The following PPARA variants were observed in gnomAD, a reference collection of about 807,000 sequenced individuals.
PPARA encodes the protein peroxisome proliferator-activated receptor alpha.
PPARA carries 22 observed loss-of-function variants against 42.2 expected under a neutral mutation model. The observed-to-expected ratio is 0.52, with a 90% CI of 0.37 to 0.74. PPARA has a LOEUF of 0.74. Among genes scored for constraint, PPARA ranks in the 30% least tolerant of loss-of-function variants. The probability of loss-of-function intolerance (pLI) is 0.00; values close to 1 mark genes in which losing one functional copy is unlikely to be tolerated. For missense variants in PPARA, 465 were observed against 608.2 expected, an observed-to-expected ratio of 0.76 and a Z score of 2.48; for synonymous variants, 242 against 239.3, an observed-to-expected ratio of 1.01 and a Z score of -0.10.
intron 2 of PPARA, among the ~76,000 whole-genome samples, chr22:46,168,351 C>CAAAAAAAAAAAAAA (rs35345592): frequency 2.1e-4 from 3 of 14,382 alleles, no homozygotes; most frequent in South Asian, 2.7e-3. Flanking sequence ...GACTCCATCT[C>CAAAAAAAAAAAAAA]AAAAAAAAAA....
At chr22:46,209,071 T>C (rs942774178) in intron 4 of PPARA, among the ~76,000 whole-genome samples, 1 of 152,234 alleles carries the variant, frequency 6.6e-6, no homozygotes, top group Non-Finnish European at 1.5e-5. Context: ...TCTTTGGATA[T>C]AAACCCAGAA....
intron 4 of PPARA, among the ~76,000 whole-genome samples, chr22:46,205,925 T>C (rs962547418): frequency 2.0e-5 from 3 of 152,116 alleles, no homozygotes; most frequent in African/African-American, 7.2e-5. Context: ...TTTTGATTGG[T>C]GTTAACATGG....
chr22:46,228,203 C>A (rs958631590), intron 7 of PPARA, among the ~76,000 whole-genome samples: 1 of 152,232 alleles, frequency 6.6e-6, no homozygotes, highest in Non-Finnish European at 1.5e-5. Context: ...GGTGTTCATG[C>A]TCCGCTGTTG....
chr22:46,237,854 G>A lies in PPARA; in HGVS notation c.*2474G>A, dbSNP rs997614424. The A allele has an allele frequency of 5.3e-5, 8 of 152,350 alleles. No homozygotes were observed. Among genetic ancestry groups the A allele is most frequent in the African/African-American group, 1.7e-4 (7 of 41,452 alleles). 9.4% of individuals were successfully genotyped at this position (152,350 alleles called of 1,614,324 possible). A position where few individuals can be genotyped will look rare whatever the true frequency, so the allele number is the denominator to read the frequency against. On this transcript the variant is annotated 3_prime_UTR_variant, in exon 9 of 9. Transcript: ENST00000407236. This position sits in a 1 kb window ranked among gnomAD's most constrained non-coding sequence, Gnocchi z 6.7. ...CCTGTGTCAACAAGATCCAGGGGCTGGAGCCCAATGCCAAGCCTGTGTTGT... is the reference window on the plus strand; with the variant it reads ...CCTGTGTCAACAAGATCCAGGGGCTAGAGCCCAATGCCAAGCCTGTGTTGT...
At chr22:46,218,223 T>C (rs758977679) in intron 5 of PPARA, 40 bp from the exon 6 acceptor site, 1 of 1,613,172 alleles carries the variant, frequency 6.2e-7, no homozygotes, top group Non-Finnish European at 8.5e-7. Flanking sequence ...GGTTTCTCAG[T>C]GGCCCAGGTC....
At chr22:46,197,360 T>A (rs1366786184) in intron 3 of PPARA, among the ~76,000 whole-genome samples, 2 of 152,034 alleles carry the variant, frequency 1.3e-5, no homozygotes, top group African/African-American at 2.4e-5. Flanking sequence ...CAGGGATCTG[T>A]TTTTGTCTCC....
Position 46,238,790 on chromosome 22 carries a change from T to G in PPARA, c.*3410T>G, listed in dbSNP as rs1936288811. The G allele has an allele frequency of 6.6e-6, 1 of 152,654 alleles. No homozygotes were observed. The highest frequency in any genetic ancestry group is 1.5e-5 in the Non-Finnish European group (1 of 68,374). The allele number at this position is 152,654 out of a possible 1,614,324, so 9.5% of individuals were successfully genotyped here. A position where few individuals can be genotyped will look rare whatever the true frequency, so the allele number is the denominator to read the frequency against. On this transcript the variant is annotated 3_prime_UTR_variant, in exon 9 of 9. Transcript: ENST00000407236. This position sits in a 1 kb window ranked among gnomAD's most constrained non-coding sequence, Gnocchi z 8.3. ...ACTTCCAGCTGGGTGTCCCACATGT[T>G]GGATTCCGTCCCCACCACACTTCCA...
At chr22:46,168,120 A>G (rs1246692727) in intron 2 of PPARA, among the ~76,000 whole-genome samples, 1 of 151,888 alleles carries the variant, frequency 6.6e-6, no homozygotes, top group African/African-American at 2.4e-5. Flanking sequence ...TGGGAGGCTG[A>G]AGCAGGTGGA....
chr22:46,205,554 A>ATTTT lies in PPARA; in HGVS notation c.208+6990_208+6993dup, dbSNP rs1322589111. Among the ~76,000 whole-genome samples, 46 of 12,932 alleles carry ATTTT rather than the reference A, an allele frequency of 3.6e-3. 11 individuals carry two copies. Among genetic ancestry groups the ATTTT allele is most frequent in the South Asian group, 0.023 (3 of 130 alleles). The allele number at this position is 12,932 out of a possible 152,430, so 8.5% of individuals were successfully genotyped here. ...TATATATATATATATATATATATAT[A>ATTTT]TTTTTTTTTTTTTTTTTTTTTTTTT... On this transcript the variant is annotated intron_variant, in intron 4 of 8. Transcript: ENST00000407236.
At chr22:46,218,466 G>GGATC in intron 6 of PPARA, 65 bp downstream of exon 6, 1 of 1,600,094 alleles carries the variant, frequency 6.2e-7, no homozygotes, top group Admixed American at 1.7e-5. Flanking sequence ...TGCTCCAAGG[G>GGATC]AACAGATCAA....
chr22:46,239,641 A>ACCCCCCTCCCCCCCCCCCCCCCCCCCC lies in PPARA; in HGVS notation c.*4272_*4273insCCCCCCCCCCCCCCCCCCCCCCTCCCC, dbSNP rs1936318385. 1 of 133,760 alleles carries ACCCCCCTCCCCCCCCCCCCCCCCCCCC rather than the reference A, an allele frequency of 7.5e-6. No homozygotes were observed. Among genetic ancestry groups the ACCCCCCTCCCCCCCCCCCCCCCCCCCC allele is most frequent in the African/African-American group, 2.8e-5 (1 of 35,604 alleles). 8.3% of individuals were successfully genotyped at this position (133,760 alleles called of 1,614,324 possible). On this transcript the variant is annotated 3_prime_UTR_variant, in exon 9 of 9. Coordinates refer to ENST00000407236, the MANE Select transcript of PPARA (RefSeq NM_005036.6). Reference sequence around the variant, plus strand: ...CGATGGTCCCGGCCTGCAGTGACAAACCCCCCTCCCCGCACCGCCCCCAGC... The same window carrying ACCCCCCTCCCCCCCCCCCCCCCCCCCC: ...CGATGGTCCCGGCCTGCAGTGACAAACCCCCCTCCCCCCCCCCCCCCCCCCCCCCCCCCTCCCCGCACCGCCCCCAGC...
At chr22:46,153,579 G>C (rs1362740144) in intron 2 of PPARA, among the ~76,000 whole-genome samples, 1 of 152,058 alleles carries the variant, frequency 6.6e-6, no homozygotes, top group Non-Finnish European at 1.5e-5. Flanking sequence ...TTTAAAAATT[G>C]TGTATCAGCC....
rs540540312 is a variant in PPARA at position 46,234,410 on chromosome 22, C to A, written c.1160-723C>A. ...ACCGCCTGCTGAACATGGCTCAGGG[C>A]AGTATTTTCTGGACCAAGAATCAGG... On this transcript the variant is annotated intron_variant, in intron 8 of 8. Transcript: ENST00000407236. The surrounding 1 kb of genome is among the most constrained non-coding windows in gnomAD (Gnocchi z 5.8). Among the ~76,000 whole-genome samples, 1 of 152,222 alleles carries A rather than the reference C, an allele frequency of 6.6e-6. No homozygotes were observed. Among genetic ancestry groups the A allele is most frequent in the East Asian group, 1.9e-4 (1 of 5,184 alleles).
In PPARA at chr22:46,187,940, G is replaced by GCAGATTCCACATTCAACCT. The variant is rs1453778654; in HGVS notation, c.-42-10400_-42-10382dup. On this transcript the variant is annotated intron_variant, in intron 3 of 8. Transcript: ENST00000407236. This position sits in a 1 kb window ranked among gnomAD's most constrained non-coding sequence, Gnocchi z 4.9. ...AATGAGGTCTACCTTAAGAGGCTTTGCAGATTCCACATTCAACCTCTTGGA... is the reference window on the plus strand; with the variant it reads ...AATGAGGTCTACCTTAAGAGGCTTTGCAGATTCCACATTCAACCTCAGATTCCACATTCAACCTCTTGGA... Among the ~76,000 whole-genome samples the GCAGATTCCACATTCAACCT allele has an allele frequency of 1.3e-5, 2 of 152,216 alleles. No individual in the cohort carries two copies. Among genetic ancestry groups the GCAGATTCCACATTCAACCT allele is most frequent in the Non-Finnish European group, 2.9e-5 (2 of 68,044 alleles).
At position 46,187,806 on chromosome 22, in the gene PPARA, C is replaced by G. The variant is rs1008611870; in HGVS notation, c.-42-10536C>G. Among the ~76,000 whole-genome samples the G allele has an allele frequency of 6.6e-6, 1 of 152,224 alleles. No individual in the cohort carries two copies. Among genetic ancestry groups the G allele is most frequent in the Non-Finnish European group, 1.5e-5 (1 of 68,046 alleles). ...AAAAATGGTCACAAGTTCTTTGAGG[C>G]TCTTCCCATCAAGAGGTAGAGTTTA... On this transcript the variant is annotated intron_variant, in intron 3 of 8. Transcript: ENST00000407236. The surrounding 1 kb of genome is among the most constrained non-coding windows in gnomAD (Gnocchi z 4.9).
Position 46,218,285 on chromosome 22 carries a change from G to A in PPARA, c.392G>A (p.Arg131Gln), listed in dbSNP as rs549236046. The change falls in exon 6 of 9, where the codon CGA becomes CAA. Residue 131 changes from arginine to glutamine, a missense_variant. Transcript: ENST00000407236. ...GCKGFFRRTI[R>Q]LKLVYDKCDR... ...CAGGGCTTCTTTCGGCGAACGATTCGACTCAAGCTGGTGTATGACAAGTGC... is the reference window on the plus strand; with the variant it reads ...CAGGGCTTCTTTCGGCGAACGATTCAACTCAAGCTGGTGTATGACAAGTGC... 1.3e-4 allele frequency: 209 copies of A among 1,613,958 alleles called. 3 individuals carry two copies. In the South Asian group the frequency reaches 2.1e-3, roughly 17 times the overall value.
In PPARA at chr22:46,240,522, C is replaced by CTT. The variant is rs769621890; in HGVS notation, c.*5146_*5147dup. On this transcript the variant is annotated 3_prime_UTR_variant, in exon 9 of 9. Transcript: ENST00000407236. The surrounding 1 kb of genome is among the most constrained non-coding windows in gnomAD (Gnocchi z 6.0). ...CTGATGCAGGGATCCCGAGGGATTA[C>CTT]TTTTTAGACCTTCTTTCACATTCAG... The CTT allele has an allele frequency of 2.9e-6, 1 of 344,088 alleles. No homozygotes were observed. Among genetic ancestry groups the CTT allele is most frequent in the South Asian group, 1.5e-4 (1 of 6,554 alleles). 21.3% of individuals were successfully genotyped at this position (344,088 alleles called of 1,614,324 possible).
rs1181386188 is a variant in PPARA, at chr22:46,162,036, C to T, written c.-127+10066C>T. 1.3e-5 allele frequency among the ~76,000 whole-genome samples: 2 copies of T among 152,128 alleles called. No individual in the cohort carries two copies. Among genetic ancestry groups the T allele is most frequent in the African/African-American group, 4.8e-5 (2 of 41,418 alleles). Reference sequence around the variant, plus strand: ...TCACCCTGGCGACCCTTTTCGGTCTCAGTTGCCAGCCTCCTGCTAGGGCTG... The same window carrying T: ...TCACCCTGGCGACCCTTTTCGGTCTTAGTTGCCAGCCTCCTGCTAGGGCTG... On this transcript the variant is annotated intron_variant, in intron 2 of 8. Transcript: ENST00000407236. The surrounding 1 kb of genome is among the most constrained non-coding windows in gnomAD (Gnocchi z 6.0).
In PPARA at chr22:46,173,552, A is replaced by G. The variant is rs1928416297; in HGVS notation, c.-126-3201A>G. 6.6e-6 allele frequency among the ~76,000 whole-genome samples: 1 copy of G among 152,226 alleles called. No individual in the cohort carries two copies. Among genetic ancestry groups the G allele is most frequent in the Admixed American group, 6.5e-5 (1 of 15,282 alleles). Reference sequence around the variant, plus strand: ...TGCCAAGGGGAAGAAGAAAGCTTGGAAATGGTATTCCTTAAAAATGTCAGT... The same window carrying G: ...TGCCAAGGGGAAGAAGAAAGCTTGGGAATGGTATTCCTTAAAAATGTCAGT... On this transcript the variant is annotated intron_variant, in intron 2 of 8. Transcript: ENST00000407236. This position sits in a 1 kb window ranked among gnomAD's most constrained non-coding sequence, Gnocchi z 4.3.
Sources: gnomAD v4.1 joint callset for allele counts (sites outside exome capture counted in the v4.1 genomes callset) on GRCh38, gnomAD v4.1.1 for gene constraint, Gnocchi (gnomAD v3.1) non-coding constraint, MANE v1.5 for transcripts, NCBI Gene and HGNC (gene_info 2026-07-23, HGNC 2026-07-21) for gene names.